Variants in GALNT17 observed in about 807,000 individuals in gnomAD.
GALNT17 encodes the protein polypeptide N-acetylgalactosaminyltransferase 17, also known as UDP-GalNAc:polypeptide N-acetylgalactosaminyltransferase-like 3.
GALNT17 carries 29 observed loss-of-function variants against 63.7 expected under a neutral mutation model. The ratio of observed to expected loss-of-function variants is 0.46; its 90% CI spans 0.34 to 0.62. GALNT17 has a LOEUF of 0.62. Among genes scored for constraint, GALNT17 ranks in the 20% least tolerant of loss-of-function variants. The pLI, the probability that GALNT17 is intolerant of heterozygous loss-of-function variation, is 0.01. For missense variants in GALNT17, 603 were observed against 799.6 expected (o/e 0.75, Z 2.97); for synonymous variants, 305 against 318.3 (o/e 0.96, Z 0.45).
At chr7:71,623,048 C>T (rs1018139929) in intron 6 of GALNT17, among the ~76,000 whole-genome samples, 2 of 152,074 alleles carry the variant, frequency 1.3e-5, no homozygotes, top group Non-Finnish European at 2.9e-5. Flanking sequence ...ATTCACCTGC[C>T]ACTTGCCATC....
chr7:71,234,444 T>G lies in GALNT17; in HGVS notation c.239-101106T>G, dbSNP rs149486747. 3.5e-3 allele frequency among the ~76,000 whole-genome samples: 528 copies of G among 152,046 alleles called. 2 individuals carry two copies. The highest frequency in any genetic ancestry group is 0.012 in the African/African-American group (507 of 41,508). On this transcript the variant is annotated intron_variant, in intron 1 of 10. Transcript: ENST00000333538. ...CCCAGCTAATTTTTTGTATTTTTAG[T>G]AGAGAGACAGGGTTTCACTGTGTTG...
chr7:71,133,275 C>G (rs1261182333), intron 1 of GALNT17, among the ~76,000 whole-genome samples: 1 of 152,216 alleles, frequency 6.6e-6, no homozygotes, highest in Non-Finnish European at 1.5e-5. Context: ...ATCCTGGAAA[C>G]ATGTCAGTAC....
At chr7:71,228,911 T>C (rs1305442482) in intron 1 of GALNT17, among the ~76,000 whole-genome samples, 17 of 152,168 alleles carry the variant, frequency 1.1e-4, no homozygotes, top group Admixed American at 1.1e-3. Flanking sequence ...CCCTTTTTTT[T>C]TCCCTCCTCG....
At chr7:71,567,398 T>C (rs1365613534) in intron 5 of GALNT17, among the ~76,000 whole-genome samples, 1 of 152,236 alleles carries the variant, frequency 6.6e-6, no homozygotes, top group African/African-American at 2.4e-5. Flanking sequence ...GCTCCTGCTC[T>C]GTGCACTGGG....
intron 5 of GALNT17, among the ~76,000 whole-genome samples, chr7:71,484,571 C>A (rs1036799020): frequency 2.6e-5 from 4 of 152,154 alleles, no homozygotes; most frequent in African/African-American, 9.7e-5. Context: ...AGCATTGCCA[C>A]AAACATGTGA....
intron 5 of GALNT17, among the ~76,000 whole-genome samples, chr7:71,491,148 T>G (rs1787999568): frequency 6.6e-6 from 1 of 151,928 alleles, no homozygotes; most frequent in Non-Finnish European, 1.5e-5. Context: ...GAGCCGAGAT[T>G]GTACCATTGC....
intron 9 of GALNT17, among the ~76,000 whole-genome samples, chr7:71,693,303 C>CATATATATATATAT (rs1214195779): frequency 8.2e-6 from 1 of 121,986 alleles, no homozygotes; most frequent in South Asian, 3.8e-4. Flanking sequence ...CACACACACA[C>CATATATATATATAT]ACACACATAT....
chr7:71,561,822 C>T (rs946196485), intron 5 of GALNT17, among the ~76,000 whole-genome samples: 4 of 151,944 alleles, frequency 2.6e-5, no homozygotes, highest in African/African-American at 4.8e-5. Flanking sequence ...GGCATCCAAG[C>T]GGGAGAATGT....
At position 71,703,177 on chromosome 7, in the gene GALNT17, G is replaced by A. The variant is rs191684774; in HGVS notation, c.1501-7584G>A. ...CTCAGCACAGCGCCTGGGGGCAATT[G>A]AAGTTTATAATTTATAGATCCTGGT... On this transcript the variant is annotated intron_variant, in intron 9 of 10. Coordinates refer to ENST00000333538, the MANE Select transcript of GALNT17 (RefSeq NM_022479.3). 1.2e-4 allele frequency among the ~76,000 whole-genome samples: 19 copies of A among 152,324 alleles called. 1 individual carries two copies. Among genetic ancestry groups the A allele is most frequent in the South Asian group, 6.2e-4 (3 of 4,822 alleles).
chr7:71,690,535 A>T (rs184530477), intron 9 of GALNT17, among the ~76,000 whole-genome samples: 2 of 152,284 alleles, frequency 1.3e-5, no homozygotes, highest in Non-Finnish European at 2.9e-5. Context: ...TTCAAGTCTT[A>T]TTTAAGAAAT....
rs184826049 is a variant in GALNT17, at chr7:71,558,030, C to T, written c.963-13255C>T. ...CAGAGATTGCAGTGAGCTGAGATCA[C>T]GCCACTGCACTCCAGCCTGGGCCAC... On this transcript the variant is annotated intron_variant, in intron 5 of 10. Coordinates refer to ENST00000333538, the MANE Select transcript of GALNT17 (RefSeq NM_022479.3). Among the ~76,000 whole-genome samples, 933 of 152,200 alleles carry T rather than the reference C, an allele frequency of 6.1e-3. 10 individuals are homozygous for T. Among genetic ancestry groups the T allele is most frequent in the African/African-American group, 0.021 (885 of 41,532 alleles).
chr7:71,292,668 A>AGTGTGT (rs201057078), intron 1 of GALNT17, among the ~76,000 whole-genome samples: 30 of 67,460 alleles, frequency 4.4e-4, no homozygotes, highest in African/African-American at 1.3e-3. Flanking sequence ...AGAGAGAGAG[A>AGTGTGT]GTGTGTGTGT....
intron 2 of GALNT17, among the ~76,000 whole-genome samples, chr7:71,379,776 G>A (rs1023785204): frequency 6.6e-6 from 1 of 152,064 alleles, no homozygotes; most frequent in Non-Finnish European, 1.5e-5. Context: ...GATTTACAAG[G>A]GGGAGCTGAA....
rs558408409 is a variant in GALNT17 at position 71,320,751 on chromosome 7, T to C, written c.239-14799T>C. Among the ~76,000 whole-genome samples the C allele has an allele frequency of 2.6e-5, 4 of 152,316 alleles. No homozygotes were observed. The South Asian group carries it at 8.3e-4, about 32-fold the overall frequency. ...GTGGTGGGATGTGTGATACTGATGATTTTGAAGAGGGGAGGAAGGTAGCAA... is the reference window on the plus strand; with the variant it reads ...GTGGTGGGATGTGTGATACTGATGACTTTGAAGAGGGGAGGAAGGTAGCAA... On this transcript the variant is annotated intron_variant, in intron 1 of 10. Coordinates refer to ENST00000333538, the MANE Select transcript of GALNT17 (RefSeq NM_022479.3).
At chr7:71,326,722 G>T (rs971998767) in intron 1 of GALNT17, among the ~76,000 whole-genome samples, 2 of 152,122 alleles carry the variant, frequency 1.3e-5, no homozygotes, top group African/African-American at 4.8e-5. Flanking sequence ...ATTAATATGA[G>T]ATGTCTACTT....
intron 2 of GALNT17, among the ~76,000 whole-genome samples, chr7:71,377,114 AATATATATATAT>A (rs1554362119): frequency 1.7e-5 from 1 of 57,486 alleles, no homozygotes; most frequent in Non-Finnish European, 3.0e-5. Context: ...AAATAAAAAA[AATATATATATAT>A]ATATATATAT....
At chr7:71,279,963 C>A (rs746041895) in intron 1 of GALNT17, among the ~76,000 whole-genome samples, 1 of 151,996 alleles carries the variant, frequency 6.6e-6, no homozygotes, top group Non-Finnish European at 1.5e-5. Flanking sequence ...TTTCTCTATC[C>A]TCTGGATAGT....
intron 1 of GALNT17, among the ~76,000 whole-genome samples, chr7:71,222,658 G>A (rs1789608363): frequency 6.6e-6 from 1 of 152,148 alleles, no homozygotes; most frequent in Non-Finnish European, 1.5e-5. Flanking sequence ...ATTTGAGTTT[G>A]ACTGGCTTTT....
At chr7:71,680,871 C>T (rs1455678760) in intron 9 of GALNT17, among the ~76,000 whole-genome samples, 1 of 139,880 alleles carries the variant, frequency 7.1e-6, no homozygotes. Context: ...TCCTTCCTTC[C>T]TTCCTTCCTT....
Sources: allele counts gnomAD v4.1 joint callset (sites outside exome capture counted in the v4.1 genomes callset), GRCh38; gene constraint gnomAD v4.1.1; transcripts MANE v1.5; gene names NCBI Gene and HGNC (gene_info 2026-07-23, HGNC 2026-07-21).